The following MAP2 variants were observed in gnomAD, a reference collection of about 807,000 sequenced individuals.
MAP2 encodes the protein microtubule associated protein 2, also known as microtubule-associated protein 2.
A neutral mutation model predicts 137.6 loss-of-function variants in MAP2; 14 were observed. The ratio of observed to expected loss-of-function variants is 0.10; its 90% confidence interval spans 0.07 to 0.16. MAP2 has a LOEUF of 0.16. Ranked by LOEUF, MAP2 falls within the 10% of genes least tolerant of loss-of-function variation. The pLI, the probability that MAP2 is intolerant of heterozygous loss-of-function variation, is 1.00. For synonymous variants in MAP2, 786 were observed against 782.3 expected (o/e 1.00, Z -0.08); for missense variants, 2,088 against 2,191.5 (o/e 0.95, Z 0.94).
Position 209,695,475 on chromosome 2 carries a change from G to T in MAP2, c.3305G>T (p.Gly1102Val). 6.2e-7 allele frequency: 1 copy of T among 1,614,070 alleles called. No individual in the cohort carries two copies. The highest frequency in any genetic ancestry group is 1.1e-5 in the South Asian group (1 of 91,072). ...MGVESGHMKE[G>V]TKVSETEVKE... ...GTTGAGTCTGGCCACATGAAAGAAG[G>T]CACTAAAGTTAGTGAGACAGAAGTC... The change falls in exon 8 of 16, where the codon GGC becomes GTC. Residue 1102 changes from glycine (G) to valine (V), a missense_variant. Physicochemically the swap from Gly to Val is moderately radical, Grantham distance 109 (BLOSUM62 -3). Coordinates refer to ENST00000682079, the MANE Select transcript of MAP2 (RefSeq NM_001375505.1).
At chr2:209,680,869 G>A in intron 7 of MAP2, 42 bp downstream of exon 7, 2 of 1,541,770 alleles carry the variant, frequency 1.3e-6, no homozygotes, top group South Asian at 1.1e-5. Flanking sequence ...TTCTGTTAAA[G>A]TGTGAACAAT....
At chr2:209,499,461 C>T (rs2060128409) in intron 1 of MAP2, among the ~76,000 whole-genome samples, 1 of 152,196 alleles carries the variant, frequency 6.6e-6, no homozygotes, top group South Asian at 2.1e-4. Context: ...CATCCAGACT[C>T]TTCCAACCTC....
At position 209,680,776 on chromosome 2, in the gene MAP2, C is replaced by T. The variant is rs1553652638; in HGVS notation, c.403C>T (p.Pro135Ser). 6.2e-7 allele frequency: 1 copy of T among 1,613,656 alleles called. No individual in the cohort carries two copies. Among genetic ancestry groups the T allele is most frequent in the East Asian group, 2.2e-5 (1 of 44,858 alleles). The change falls in exon 7 of 16, where the codon CCT becomes TCT. Residue 135 changes from proline (P) to serine (S), a missense_variant. Transcript: ENST00000682079. ...AGCTGAAGAAACAGCTAATCTGCCTCCTTCTCCACCCCCATCACCTGCCTC... is the reference window on the plus strand; with the variant it reads ...AGCTGAAGAAACAGCTAATCTGCCTTCTTCTCCACCCCCATCACCTGCCTC... Reference protein sequence around the residue: ...LAAEETANLPPSPPPSPASEQ... With the variant: ...LAAEETANLPSSPPPSPASEQ...
intron 7 of MAP2, among the ~76,000 whole-genome samples, chr2:209,682,620 A>T (rs2153692546): frequency 6.6e-6 from 1 of 152,180 alleles, no homozygotes; most frequent in Non-Finnish European, 1.5e-5. Flanking sequence ...TACAAGAGAA[A>T]CCTGATTTTA....
intron 1 of MAP2, among the ~76,000 whole-genome samples, chr2:209,473,635 A>G (rs1320943871): frequency 1.3e-5 from 2 of 152,040 alleles, no homozygotes; most frequent in East Asian, 1.9e-4. Context: ...ACAGAGATGT[A>G]TAGTTATCTA....
intron 1 of MAP2, among the ~76,000 whole-genome samples, chr2:209,472,746 T>A (rs1416715730): frequency 6.6e-6 from 1 of 152,000 alleles, no homozygotes; most frequent in Non-Finnish European, 1.5e-5. Flanking sequence ...AAAAAAAAAT[T>A]ATTGCCGTCA....
chr2:209,659,851 A>G (rs1383572930), intron 5 of MAP2, among the ~76,000 whole-genome samples: 1 of 151,864 alleles, frequency 6.6e-6, no homozygotes, highest in Non-Finnish European at 1.5e-5. Context: ...ATCCTGGCTA[A>G]CACTGTGAAA....
At chr2:209,540,895 C>A (rs1316202741) in intron 2 of MAP2, among the ~76,000 whole-genome samples, 1 of 150,758 alleles carries the variant, frequency 6.6e-6, no homozygotes, top group Non-Finnish European at 1.5e-5. Context: ...CACGATAAAG[C>A]AAGTCACATG....
At chr2:209,614,870 T>C (rs905557517) in intron 3 of MAP2, among the ~76,000 whole-genome samples, 7 of 152,082 alleles carry the variant, frequency 4.6e-5, no homozygotes, top group African/African-American at 1.7e-4. Flanking sequence ...CAGCTGGAGA[T>C]CACCCTTAAT....
chr2:209,681,860 A>G (rs903032171), intron 7 of MAP2, among the ~76,000 whole-genome samples: 2 of 152,146 alleles, frequency 1.3e-5, no homozygotes. Flanking sequence ...ACCATATATT[A>G]TCACCTCTAA....
intron 3 of MAP2, among the ~76,000 whole-genome samples, chr2:209,610,878 C>A (rs1272043083): frequency 6.6e-6 from 1 of 152,058 alleles, no homozygotes; most frequent in Non-Finnish European, 1.5e-5. Flanking sequence ...TCCTCTCAGG[C>A]ACTATATGAA....
At chr2:209,564,625 T>C in intron 2 of MAP2, among the ~76,000 whole-genome samples, 1 of 146,814 alleles carries the variant, frequency 6.8e-6, no homozygotes, top group African/African-American at 2.5e-5. Flanking sequence ...TCTACTTTCA[T>C]AGCCCCTTCC....
intron 1 of MAP2, among the ~76,000 whole-genome samples, chr2:209,460,604 CTTCCTTCT>C (rs1214760792): frequency 2.1e-5 from 3 of 146,316 alleles, no homozygotes; most frequent in Non-Finnish European, 4.5e-5. Flanking sequence ...TCCTTCCTTC[CTTCCTTCT>C]TTCCTTCCTC....
chr2:209,465,197 G>A (rs1703819374), intron 1 of MAP2, among the ~76,000 whole-genome samples: 1 of 152,030 alleles, frequency 6.6e-6, no homozygotes, highest in African/African-American at 2.4e-5. Context: ...GTCTAAAAAA[G>A]TTAATTGACT....
intron 4 of MAP2, among the ~76,000 whole-genome samples, chr2:209,625,964 G>T (rs2092242379): frequency 6.6e-6 from 1 of 151,952 alleles, no homozygotes; most frequent in Non-Finnish European, 1.5e-5. Flanking sequence ...GATTATAAAT[G>T]AATGATTTCT....
chr2:209,478,991 G>A (rs185406540), intron 1 of MAP2, among the ~76,000 whole-genome samples: 189 of 152,280 alleles, frequency 1.2e-3, no homozygotes, highest in African/African-American at 4.3e-3. Context: ...CTTCATTTAA[G>A]TAGTTTTATT....
chr2:209,674,223 A>T (rs908451072), intron 5 of MAP2, among the ~76,000 whole-genome samples: 2 of 151,874 alleles, frequency 1.3e-5, no homozygotes. Context: ...CCTTTAGTGC[A>T]TATCACTATT....
intron 1 of MAP2, among the ~76,000 whole-genome samples, chr2:209,430,250 C>T (rs867546670): frequency 6.6e-6 from 1 of 151,172 alleles, no homozygotes; most frequent in Non-Finnish European, 1.5e-5. Flanking sequence ...CAATCTGTAG[C>T]ATACAATTTC....
At chr2:209,452,528 T>C (rs1317657370) in intron 1 of MAP2, among the ~76,000 whole-genome samples, 5 of 152,228 alleles carry the variant, frequency 3.3e-5, no homozygotes, top group Non-Finnish European at 5.9e-5. Context: ...TCCCTAGGCA[T>C]CCCATTTTCT....
Sources: allele counts gnomAD v4.1 joint callset (sites outside exome capture counted in the v4.1 genomes callset), GRCh38; gene constraint gnomAD v4.1.1; transcripts MANE v1.5; gene names NCBI Gene and HGNC (gene_info 2026-07-23, HGNC 2026-07-21).